Variants in OSGIN1 observed in about 807,000 individuals in gnomAD.
OSGIN1 encodes the protein oxidative stress induced growth inhibitor 1.
Under a neutral mutation model 20.1 loss-of-function variants are expected in OSGIN1, and 19 were observed. That is an observed-to-expected ratio of 0.95 (90% CI 0.66 to 1.39). OSGIN1 has a LOEUF of 1.39. Ranked by LOEUF, OSGIN1 falls within the 40% of genes most tolerant of loss-of-function variation. OSGIN1 has a pLI of 0.00. For missense variants in OSGIN1, 820 were observed against 653.0 expected (o/e 1.26, Z -2.79); for synonymous variants, 368 against 297.8 (o/e 1.24, Z -2.43).
At position 83,960,707 on chromosome 16, in the gene OSGIN1, C is replaced by T; in HGVS notation, c.343C>T (p.His115Tyr). 1.2e-6 allele frequency: 2 copies of T among 1,613,546 alleles called. No individual in the cohort carries two copies. The highest frequency in any genetic ancestry group is 2.2e-5 in the South Asian group (2 of 91,092). Residue 115 changes from histidine to tyrosine, a missense_variant, in exon 4 of 6, where the codon CAC becomes TAC. Coordinates refer to ENST00000393306, the MANE Select transcript of OSGIN1 (RefSeq NM_182981.3). The part of the protein sequence containing the change: ...SVLTWKHRKE[H>Y]AIPHVVLGRN... ...CCTCACCTGGAAGCACCGGAAGGAG[C>T]ACGCCATCCCCCACGTGGTTCTGGG...
At position 83,965,070 on chromosome 16, in the gene OSGIN1, G is replaced by A. The variant is rs371265166; in HGVS notation, c.497G>A (p.Arg166His). ...TGCATCCTCCCCAACAGAGGTCTTCGCAACAGCCGGGCCACTGCCGGGGAC... is the reference window on the plus strand; with the variant it reads ...TGCATCCTCCCCAACAGAGGTCTTCACAACAGCCGGGCCACTGCCGGGGAC... The part of the protein sequence containing the change: ...DWMQKKRRGL[R>H]NSRATAGDIA... Residue 166 changes from arginine to histidine, a missense_variant, in exon 6 of 6, where the codon CGC becomes CAC. By Grantham distance (29) the Arg-to-His change is conservative (BLOSUM62 0). Transcript: ENST00000393306. 29 of 1,591,412 alleles carry A rather than the reference G, an allele frequency of 1.8e-5. No individual in the cohort carries two copies. The highest frequency in any genetic ancestry group is 5.4e-5 in the African/African-American group (4 of 74,404).
chr16:83,959,376 G>A lies in OSGIN1; in HGVS notation c.184G>A (p.Gly62Arg). Residue 62 changes from glycine to arginine, a missense_variant, in exon 3 of 6, where the codon GGG becomes AGG. Transcript: ENST00000393306. ...LLQRKLTEAP[G>R]VSILDQDLDY... ...GCAGAGGAAGCTCACCGAGGCCCCG[G>A]GGGTCTCCATCCTGGACCAGGTGGG... 2 of 1,613,852 alleles carry A rather than the reference G, an allele frequency of 1.2e-6. No homozygotes were observed. Among genetic ancestry groups the A allele is most frequent in the Non-Finnish European group, 1.7e-6 (2 of 1,179,992 alleles).
intron 1 of OSGIN1, among the ~76,000 whole-genome samples, chr16:83,955,174 G>T (rs903009889): frequency 3.9e-5 from 6 of 152,180 alleles, no homozygotes; most frequent in African/African-American, 1.4e-4. Flanking sequence ...CCATGATGAG[G>T]ACTGAGGGGC....
At chr16:83,954,994 A>G (rs2255540) in intron 1 of OSGIN1, among the ~76,000 whole-genome samples, 63,405 of 152,082 alleles carry the variant, frequency 0.42, 15,702 homozygotes, top group East Asian at 0.65. Flanking sequence ...CGGGGATCAA[A>G]TATCAGTTCC....
rs1299524834 is a variant in OSGIN1 at position 83,957,698 on chromosome 16, C to T, written c.27C>T (p.Leu9=). 1.1e-5 allele frequency: 17 copies of T among 1,606,672 alleles called. No homozygotes were observed. Among genetic ancestry groups the T allele is most frequent in the African/African-American group, 2.7e-5 (2 of 74,704 alleles). MSSSRKDH[L]GASSSEPLPV... ...TGAGCTCCTCCAGAAAGGACCACCT[C>T]GGCGCCAGCAGCTCAGAGCCCCTCC... is the stretch of plus-strand genomic sequence containing the variant. The change falls in exon 2 of 6, where the codon CTC becomes CTT. Residue 9 remains leucine, a synonymous_variant. Transcript: ENST00000393306.
In OSGIN1 at chr16:83,961,077, G is replaced by A; in HGVS notation, c.488+5G>A. 1 of 1,611,886 alleles carries A rather than the reference G, an allele frequency of 6.2e-7. No individual in the cohort carries two copies. ...CTGGATGCAGAAGAAGCGAAGGTGA[G>A]GCCGCCCCGGAACGCCTTGGGGGAC... On this transcript the variant is annotated splice_donor_5th_base_variant and intron_variant, in intron 5 of 5. Transcript: ENST00000393306.
intron 3 of OSGIN1, 54 bp downstream of exon 3, chr16:83,959,450 C>A: frequency 6.6e-7 from 1 of 1,511,352 alleles, no homozygotes; most frequent in Non-Finnish European, 8.9e-7. Flanking sequence ...CCTTGGAAAA[C>A]TACCGCCGCT....
chr16:83,961,191 C>G (rs181534695), intron 5 of OSGIN1, 119 bp downstream of exon 5: 3 of 755,218 alleles, frequency 4.0e-6, no homozygotes, highest in Non-Finnish European at 6.7e-6. Context: ...AGGACGCGCC[C>G]GTGACAGCCT....
In OSGIN1 at chr16:83,959,517, C is replaced by T. The variant is rs927803363; in HGVS notation, c.204+121C>T. Reference sequence around the variant, plus strand: ...TGGAAACAAGACTAAACAAAGAATTCGAGAGTCCACAAAGTCAGCCACGGA... The same window carrying T: ...TGGAAACAAGACTAAACAAAGAATTTGAGAGTCCACAAAGTCAGCCACGGA... On this transcript the variant is annotated intron_variant, in intron 3 of 5. Transcript: ENST00000393306. 49 of 992,108 alleles carry T rather than the reference C, an allele frequency of 4.9e-5. No homozygotes were observed. The East Asian group carries it at 7.8e-4, about 16-fold the overall frequency. The allele number at this position is 992,108 out of a possible 1,614,324, so 61.5% of individuals were successfully genotyped here.
chr16:83,964,773 C>T (rs188120629), intron 5 of OSGIN1, among the ~76,000 whole-genome samples: 9 of 152,270 alleles, frequency 5.9e-5, no homozygotes, highest in Admixed American at 3.3e-4. Context: ...AGTCAGGATT[C>T]GAGCCCAGGC....
chr16:83,957,825 G>T, intron 2 of OSGIN1, 87 bp downstream of exon 2: 1 of 488,374 alleles, frequency 2.0e-6, no homozygotes, highest in South Asian at 5.2e-5. Flanking sequence ...GGCAAGTCCA[G>T]GCCTGGTGTC....
chr16:83,965,923 G>A lies in OSGIN1; in HGVS notation c.1350G>A (p.Gly450=). ...TGTACGCCATGGGGCCGCTGGCCGG[G>A]GACAACTTCGTGAGGTTTGTGCAGG... ...EGLYAMGPLA[G]DNFVRFVQGG... Residue 450 remains glycine, a synonymous_variant, in exon 6 of 6, where the codon GGG becomes GGA. Coordinates refer to ENST00000393306, the MANE Select transcript of OSGIN1 (RefSeq NM_182981.3). The A allele has an allele frequency of 6.2e-7, 1 of 1,612,666 alleles. No individual in the cohort carries two copies. The highest frequency in any genetic ancestry group is 8.5e-7 in the Non-Finnish European group (1 of 1,179,938).
Position 83,960,984 on chromosome 16 carries a change from A to T in OSGIN1, c.400A>T (p.Ile134Phe), listed in dbSNP as rs772889593. 1 of 1,613,452 alleles carries T rather than the reference A, an allele frequency of 6.2e-7. No individual in the cohort carries two copies. The highest frequency in any genetic ancestry group is 1.7e-5 in the Admixed American group (1 of 60,018). ...CAAAGGGTTCCTTTCCCTGCAGTCC[A>T]TCGAAGGCTCCATGGTGATCCTGAG... is the stretch of plus-strand genomic sequence containing the variant. The part of the protein sequence containing the change: ...RNLPGGAWHS[I>F]EGSMVILSQG... Residue 134 changes from isoleucine to phenylalanine, a missense_variant, in exon 5 of 6, where the codon ATC (isoleucine) becomes TTC (phenylalanine). Coordinates refer to ENST00000393306, the MANE Select transcript of OSGIN1 (RefSeq NM_182981.3).
intron 1 of OSGIN1, among the ~76,000 whole-genome samples, chr16:83,956,447 CTCTGGG>C (rs1908934111): frequency 6.6e-6 from 1 of 152,218 alleles, no homozygotes; most frequent in South Asian, 2.1e-4. Flanking sequence ...CCCCTGGCCA[CTCTGGG>C]TGGTCCAAGC....
At chr16:83,958,155 G>A (rs1028231416) in intron 2 of OSGIN1, among the ~76,000 whole-genome samples, 3 of 152,222 alleles carry the variant, frequency 2.0e-5, no homozygotes, top group Non-Finnish European at 4.4e-5. Context: ...GGGATTATAG[G>A]TGTGAACCAC....
At chr16:83,953,782 C>T (rs997532520) in intron 1 of OSGIN1, among the ~76,000 whole-genome samples, 3 of 152,202 alleles carry the variant, frequency 2.0e-5, no homozygotes, top group South Asian at 2.1e-4. Context: ...AGGGACAGAG[C>T]CCTTGGGTGC....
intron 1 of OSGIN1, among the ~76,000 whole-genome samples, chr16:83,956,535 G>A (rs1177119118): frequency 6.6e-6 from 1 of 152,156 alleles, no homozygotes; most frequent in Non-Finnish European, 1.5e-5. Context: ...AGTGGTGTGG[G>A]TGGTGGCACT....
At chr16:83,957,888 T>TTTA (rs1000450064) in intron 2 of OSGIN1, 150 bp downstream of exon 2, 14 of 367,842 alleles carry the variant, frequency 3.8e-5, no homozygotes, top group African/African-American at 2.8e-4. Context: ...TATTTATTTA[T>TTTA]TTATTTGAGA....
chr16:83,963,655 C>T lies in OSGIN1; in HGVS notation c.489-1407C>T, dbSNP rs1340956938. Among the ~76,000 whole-genome samples, 3 of 152,140 alleles carry T rather than the reference C, an allele frequency of 2.0e-5. No individual in the cohort carries two copies. The East Asian group carries it at 5.8e-4, about 29-fold the overall frequency. On this transcript the variant is annotated intron_variant, in intron 5 of 5. Coordinates refer to ENST00000393306, the MANE Select transcript of OSGIN1 (RefSeq NM_182981.3). ...GATAAATTCCAGGGTCGCAGACGGGCTGCGCTGGGTTGACTGGCACGGCCT... is the reference window on the plus strand; with the variant it reads ...GATAAATTCCAGGGTCGCAGACGGGTTGCGCTGGGTTGACTGGCACGGCCT...
Sources: allele counts gnomAD v4.1 joint callset (sites outside exome capture counted in the v4.1 genomes callset), GRCh38; gene constraint gnomAD v4.1.1; transcripts MANE v1.5; gene names NCBI Gene and HGNC (gene_info 2026-07-23, HGNC 2026-07-21).